Variants in MBNL2 observed in about 807,000 individuals in gnomAD.
The protein encoded by MBNL2 is muscleblind-like protein 2.
MBNL2 carries 17 observed loss-of-function variants against 41.9 expected under a neutral mutation model. The ratio of observed to expected loss-of-function variants is 0.41; its 90% confidence interval spans 0.28 to 0.61. The LOEUF is 0.61. Ranked by LOEUF, MBNL2 falls within the 20% of genes least tolerant of loss-of-function variation. The pLI is 0.35. For missense variants in MBNL2, 336 were observed against 505.6 expected, an observed-to-expected ratio of 0.66 and a Z score of 3.22; for synonymous variants, 195 against 182.9, an observed-to-expected ratio of 1.07 and a Z score of -0.53.
rs545724583 is a variant in MBNL2, at chr13:97,265,146, A to T, written c.-604-10486A>T. ...TTTCACTCTTTGAATTGAGGATGTG[A>T]TTTCTTTCTCTACCCATTCCTGGAA... On this transcript the variant is annotated intron_variant, in intron 1 of 8. Transcript: ENST00000679496. Among the ~76,000 whole-genome samples, 4 of 152,340 alleles carry T rather than the reference A, an allele frequency of 2.6e-5. No individual in the cohort carries two copies. In the East Asian group the frequency reaches 7.7e-4, roughly 29 times the overall value.
intron 1 of MBNL2, among the ~76,000 whole-genome samples, chr13:97,244,192 A>T (rs1450422350): frequency 6.6e-6 from 1 of 152,240 alleles, no homozygotes; most frequent in East Asian, 1.9e-4. Context: ...CTTTAGTCAT[A>T]TTTAATTTCA....
intron 6 of MBNL2, 112 bp from the exon 7 acceptor site, chr13:97,357,370 C>CA (rs2063081094): frequency 7.1e-6 from 6 of 840,698 alleles, no homozygotes; most frequent in Non-Finnish European, 9.8e-6. Flanking sequence ...ATGGCAGAGG[C>CA]ATCTCCTTAG....
intron 1 of MBNL2, among the ~76,000 whole-genome samples, chr13:97,238,924 G>A (rs2043783072): frequency 6.6e-6 from 1 of 152,162 alleles, no homozygotes; most frequent in African/African-American, 2.4e-5. Flanking sequence ...CAGGAAAGGT[G>A]AAAAACATTA....
At chr13:97,234,294 T>C (rs536461274) in intron 1 of MBNL2, among the ~76,000 whole-genome samples, 1 of 152,348 alleles carries the variant, frequency 6.6e-6, no homozygotes, top group Non-Finnish European at 1.5e-5. Flanking sequence ...TACTTGAAGA[T>C]GTCAGAATTC....
At chr13:97,190,897 A>G in the MBNL2 span, among the ~76,000 whole-genome samples, 1 of 151,996 alleles carries the variant, frequency 6.6e-6, no homozygotes, top group African/African-American at 2.4e-5. Context: ...TCCTCTTGAA[A>G]CCTATCATCT....
At chr13:97,148,454 G>C in the MBNL2 span, among the ~76,000 whole-genome samples, 2 of 152,022 alleles carry the variant, frequency 1.3e-5, no homozygotes, top group Non-Finnish European at 2.9e-5. Context: ...TGTAAACGAT[G>C]GACTTTGGGT....
the MBNL2 span, among the ~76,000 whole-genome samples, chr13:97,172,104 C>G: frequency 1.3e-5 from 2 of 152,080 alleles, no homozygotes; most frequent in Admixed American, 1.3e-4. Context: ...TTTCATTAGT[C>G]CATTTCAAGA....
intron 1 of MBNL2, among the ~76,000 whole-genome samples, chr13:97,236,727 T>C (rs1168778409): frequency 1.3e-5 from 2 of 152,156 alleles, no homozygotes. Context: ...TGAAGGGTCA[T>C]GACAGCCAGC....
chr13:97,265,561 A>T (rs2049579672), intron 1 of MBNL2, among the ~76,000 whole-genome samples: 2 of 152,144 alleles, frequency 1.3e-5, no homozygotes, highest in Admixed American at 6.5e-5. Context: ...CTACCTTCAG[A>T]GAAAGAGCCT....
At chr13:97,332,950 C>T (rs1376149121) in intron 2 of MBNL2, among the ~76,000 whole-genome samples, 5 of 152,336 alleles carry the variant, frequency 3.3e-5, no homozygotes, top group Admixed American at 1.3e-4. Context: ...CGGGACTGAA[C>T]ACAGGGCCCA....
At chr13:97,191,863 C>A in the MBNL2 span, among the ~76,000 whole-genome samples, 1 of 152,196 alleles carries the variant, frequency 6.6e-6, no homozygotes, top group Non-Finnish European at 1.5e-5. Context: ...GATCCCACAC[C>A]CTGCATCTGC....
chr13:97,305,999 G>A (rs1037657928), intron 2 of MBNL2, among the ~76,000 whole-genome samples: 8 of 152,156 alleles, frequency 5.3e-5, no homozygotes, highest in African/African-American at 1.9e-4. Flanking sequence ...TCTGCCCTGA[G>A]CCCGGAGGTG....
chr13:97,346,716 G>A lies in MBNL2; in HGVS notation c.541-88G>A. ...ATGAGCCACCATTGAAAGCGAGGCA[G>A]CCTCCGCTCCTCCCGCGGTGGCCGG... On this transcript the variant is annotated intron_variant, in intron 4 of 8. Coordinates refer to ENST00000679496, the MANE Select transcript of MBNL2 (RefSeq NM_001382683.1). This position sits in a 1 kb window ranked among gnomAD's most constrained non-coding sequence, Gnocchi z 4.2. 1 of 1,082,272 alleles carries A rather than the reference G, an allele frequency of 9.2e-7. No homozygotes were observed. 67.0% of individuals were successfully genotyped at this position (1,082,272 alleles called of 1,614,324 possible). A position where few individuals can be genotyped will look rare whatever the true frequency, so the allele number is the denominator to read the frequency against.
the MBNL2 span, among the ~76,000 whole-genome samples, chr13:97,187,836 AC>A: frequency 4.0e-5 from 6 of 151,286 alleles, no homozygotes; most frequent in African/African-American, 9.7e-5. Context: ...GAACCCCGGG[AC>A]GGCGGAGCCT....
chr13:97,278,099 C>CA (rs1191364645), intron 2 of MBNL2, among the ~76,000 whole-genome samples: 4 of 151,388 alleles, frequency 2.6e-5, no homozygotes, highest in Non-Finnish European at 2.9e-5. Context: ...ATTAAAAATA[C>CA]AAAAAATTAG....
At chr13:97,212,778 C>T in the MBNL2 span, among the ~76,000 whole-genome samples, 1 of 152,220 alleles carries the variant, frequency 6.6e-6, no homozygotes, top group Admixed American at 6.5e-5. Flanking sequence ...TTGTCGTCAA[C>T]ACTATGTGAG....
At chr13:97,203,148 G>A in the MBNL2 span, among the ~76,000 whole-genome samples, 1 of 152,128 alleles carries the variant, frequency 6.6e-6, no homozygotes, top group Admixed American at 6.6e-5. Context: ...AGAATTAAGG[G>A]TCTAGCACTT....
chr13:97,149,122 G>C, the MBNL2 span, among the ~76,000 whole-genome samples: 1 of 152,194 alleles, frequency 6.6e-6, no homozygotes, highest in Non-Finnish European at 1.5e-5. Context: ...CCAGTGAACT[G>C]TGTGGGTGTA....
chr13:97,207,905 C>A, the MBNL2 span, among the ~76,000 whole-genome samples: 1 of 152,200 alleles, frequency 6.6e-6, no homozygotes, highest in African/African-American at 2.4e-5. Flanking sequence ...AACAAAGGGG[C>A]TACAGGCCCC....
Sources: gnomAD v4.1 joint callset for allele counts (sites outside exome capture counted in the v4.1 genomes callset) on GRCh38, gnomAD v4.1.1 for gene constraint, Gnocchi (gnomAD v3.1) non-coding constraint, MANE v1.5 for transcripts, NCBI Gene and HGNC (gene_info 2026-07-23, HGNC 2026-07-21) for gene names.